SEZ6: variants seen among roughly 807,000 people sequenced by gnomAD.
The protein encoded by SEZ6 is seizure related 6 homolog.
SEZ6 carries 53 observed loss-of-function variants against 101.0 expected under a neutral mutation model. The observed-to-expected ratio is 0.52, with a 90% CI of 0.42 to 0.66. The LOEUF is 0.66. Among genes scored for constraint, SEZ6 ranks in the 30% least tolerant of loss-of-function variants. SEZ6 has a pLI of 0.00. For synonymous variants in SEZ6, 488 were observed against 512.2 expected (o/e 0.95, Z 0.64); for missense variants, 1,102 against 1,289.4 (o/e 0.85, Z 2.23).
At chr17:28,966,524 G>T (rs139598418) in intron 4 of SEZ6, among the ~76,000 whole-genome samples, 1 of 152,246 alleles carries the variant, frequency 6.6e-6, no homozygotes, top group East Asian at 1.9e-4. Context: ...AGAGGTGAGA[G>T]CAAAGGCCTG....
At chr17:28,964,976 A>C (rs754854315) in intron 4 of SEZ6, among the ~76,000 whole-genome samples, 1 of 151,942 alleles carries the variant, frequency 6.6e-6, no homozygotes, top group Non-Finnish European at 1.5e-5. Context: ...GAATCGCTTG[A>C]ACCCGGGAGG....
intron 1 of SEZ6, among the ~76,000 whole-genome samples, chr17:28,999,955 A>T (rs1200221086): frequency 6.6e-6 from 1 of 152,220 alleles, no homozygotes; most frequent in Non-Finnish European, 1.5e-5. Flanking sequence ...AGAAGCACCT[A>T]TCATCACCAG....
At chr17:28,961,550 C>T (rs969708913) in intron 5 of SEZ6, among the ~76,000 whole-genome samples, 1 of 152,206 alleles carries the variant, frequency 6.6e-6, no homozygotes, top group African/African-American at 2.4e-5. Flanking sequence ...GGGCGGCAAA[C>T]ACCTGATGTG....
At position 28,979,754 on chromosome 17, in the gene SEZ6, TGAG is replaced by T; in HGVS notation, c.781_783del (p.Leu261del). ...TCCAGGCCAACATCAGTGGGGGAGC[TGAG>T]GTCTGTAGGGGAGTCCAGAGAGCCC... On this transcript the variant is annotated inframe_deletion, in exon 3 of 17. Coordinates refer to ENST00000317338, the MANE Select transcript of SEZ6 (RefSeq NM_178860.5). 1.2e-6 allele frequency: 2 copies of T among 1,613,670 alleles called. No homozygotes were observed. The highest frequency in any genetic ancestry group is 1.7e-6 in the Non-Finnish European group (2 of 1,179,758).
chr17:28,964,200 G>A (rs1158118582), intron 4 of SEZ6, 53 bp from the exon 5 acceptor site: 4 of 1,500,686 alleles, frequency 2.7e-6, no homozygotes, highest in Admixed American at 4.0e-5. Flanking sequence ...GGGGGCGGGA[G>A]CTGGGCCATT....
intron 1 of SEZ6, among the ~76,000 whole-genome samples, chr17:29,000,132 T>C (rs999766972): frequency 3.3e-5 from 5 of 152,232 alleles, no homozygotes; most frequent in Non-Finnish European, 5.9e-5. Flanking sequence ...GCCTGGCACA[T>C]AGTTGGTACC....
At chr17:28,960,721 G>A (rs559238452) in intron 6 of SEZ6, 50 bp from the exon 7 acceptor site, 1 of 1,612,020 alleles carries the variant, frequency 6.2e-7, no homozygotes, top group Admixed American at 1.7e-5. Context: ...ACCCAGATGG[G>A]GTGTGGCCCC....
In SEZ6 at chr17:28,981,305, G is replaced by A. The variant is rs2041297763; in HGVS notation, c.724+66C>T. ...CAGGCTGGCACAGTGTCAGAGACAG[G>A]CTTTTAGGGGCCCCGCAGCCTCCCC... On this transcript the variant is annotated intron_variant, in intron 2 of 16. Transcript: ENST00000317338. 3 of 1,491,778 alleles carry A rather than the reference G, an allele frequency of 2.0e-6. No individual in the cohort carries two copies. The African/African-American group carries it at 4.2e-5, about 21-fold the overall frequency. 92.4% of individuals were successfully genotyped at this position (1,491,778 alleles called of 1,614,324 possible). A position where few individuals can be genotyped will look rare whatever the true frequency, so the allele number is the denominator to read the frequency against.
At chr17:28,965,910 G>C (rs1462440863) in intron 4 of SEZ6, among the ~76,000 whole-genome samples, 1 of 149,196 alleles carries the variant, frequency 6.7e-6, no homozygotes, top group East Asian at 2.0e-4. Context: ...AGGCTGAGGT[G>C]GACGGATGGC....
rs2040897386 is a variant in SEZ6, at chr17:28,957,341, CACTT to C, written c.2494+3_2494+6del. On this transcript the variant is annotated splice_donor_5th_base_variant and intron_variant, in intron 12 of 16. Transcript: ENST00000317338. ...GAGGTTTTCCCTCCTACTCAATTGA[CACTT>C]ACGGAGACATTTAGGGGCCCGGTCA... 6.2e-7 allele frequency: 1 copy of C among 1,611,594 alleles called. No homozygotes were observed. The highest frequency in any genetic ancestry group is 8.5e-7 in the Non-Finnish European group (1 of 1,177,916).
At position 28,992,659 on chromosome 17, in the gene SEZ6, G is replaced by A. The variant is rs528346123; in HGVS notation, c.56-10620C>T. 5.3e-5 allele frequency among the ~76,000 whole-genome samples: 8 copies of A among 152,274 alleles called. No homozygotes were observed. The East Asian group carries it at 9.7e-4, about 18-fold the overall frequency. ...CCCAGGGCCATCTGTCCTGGACAGCGTCTCAGGCTCTGGGTGGGTGGGGGA... is the reference window on the plus strand; with the variant it reads ...CCCAGGGCCATCTGTCCTGGACAGCATCTCAGGCTCTGGGTGGGTGGGGGA... On this transcript the variant is annotated intron_variant, in intron 1 of 16. Coordinates refer to ENST00000317338, the MANE Select transcript of SEZ6 (RefSeq NM_178860.5).
At chr17:29,003,107 C>T (rs562888855) in intron 1 of SEZ6, among the ~76,000 whole-genome samples, 42 of 152,326 alleles carry the variant, frequency 2.8e-4, no homozygotes, top group Non-Finnish European at 4.9e-4. Flanking sequence ...CACATTCACA[C>T]ATGCAGAGTT....
At chr17:28,982,172 C>G in intron 1 of SEZ6, 133 bp from the exon 2 acceptor site, 10 of 1,409,374 alleles carry the variant, frequency 7.1e-6, no homozygotes, top group Admixed American at 2.9e-5. Context: ...CTGAGAATCA[C>G]GGAACTACAG....
intron 11 of SEZ6, 183 bp from the exon 12 acceptor site, chr17:28,957,722 A>C (rs2040907054): frequency 1.2e-6 from 1 of 861,854 alleles, no homozygotes; most frequent in Non-Finnish European, 1.7e-6. Flanking sequence ...ATTAGGTTCG[A>C]TAAAAACTGA....
chr17:28,962,402 C>T (rs1031150494), intron 5 of SEZ6, among the ~76,000 whole-genome samples: 16 of 152,184 alleles, frequency 1.1e-4, no homozygotes, highest in African/African-American at 2.9e-4. Context: ...CCAGCCTCCC[C>T]GCTAGATCCT....
At chr17:28,980,420 C>T (rs1023293884) in intron 2 of SEZ6, among the ~76,000 whole-genome samples, 5 of 149,652 alleles carry the variant, frequency 3.3e-5, no homozygotes, top group South Asian at 4.3e-4. Context: ...CCCAGGCTGG[C>T]GTGCAGTGAC....
rs537849966 is a variant in SEZ6 at position 28,972,284 on chromosome 17, G to A, written c.859-2332C>T. 3.9e-5 allele frequency among the ~76,000 whole-genome samples: 6 copies of A among 152,362 alleles called. No homozygotes were observed. In the South Asian group the frequency reaches 1.0e-3, roughly 26 times the overall value. On this transcript the variant is annotated intron_variant, in intron 3 of 16. Coordinates refer to ENST00000317338, the MANE Select transcript of SEZ6 (RefSeq NM_178860.5). Reference sequence around the variant, plus strand: ...TTCACTGGCCAGTCTCAACAAAGACGTGTGGAAAGAGTAAATGTGTGGGCT... The same window carrying A: ...TTCACTGGCCAGTCTCAACAAAGACATGTGGAAAGAGTAAATGTGTGGGCT...
rs536920068 is a variant in SEZ6, at chr17:28,988,017, G to T, written c.56-5978C>A. Among the ~76,000 whole-genome samples the T allele has an allele frequency of 5.3e-5, 8 of 152,304 alleles. No homozygotes were observed. In the South Asian group the frequency reaches 1.7e-3, roughly 32 times the overall value. ...ACTCGTGCCAGGAGCCCTGCAGCTT[G>T]GATGATGGGGAAGGGTGTTCTGGTT... On this transcript the variant is annotated intron_variant, in intron 1 of 16. Coordinates refer to ENST00000317338, the MANE Select transcript of SEZ6 (RefSeq NM_178860.5).
intron 1 of SEZ6, among the ~76,000 whole-genome samples, chr17:28,984,335 G>A (rs1309109469): frequency 2.0e-5 from 3 of 152,230 alleles, no homozygotes; most frequent in Admixed American, 6.5e-5. Context: ...CAAGGAAGGG[G>A]GGCTTTTCTA....
Sources: allele counts gnomAD v4.1 joint callset (sites outside exome capture counted in the v4.1 genomes callset), GRCh38; gene constraint gnomAD v4.1.1; transcripts MANE v1.5; gene names NCBI Gene and HGNC (gene_info 2026-07-23, HGNC 2026-07-21).